Variants in ABAT observed in about 807,000 individuals in gnomAD.
ABAT encodes 4-aminobutyrate aminotransferase.
Under a neutral mutation model 64.6 loss-of-function variants are expected in ABAT, and 45 were observed. The observed-to-expected ratio is 0.70, with a 90% CI of 0.55 to 0.89. ABAT has a LOEUF of 0.89. Ranked by LOEUF, ABAT falls within the 40% of genes least tolerant of loss-of-function variation. The probability of loss-of-function intolerance (pLI) is 0.00; values close to 1 mark genes in which losing one functional copy is unlikely to be tolerated. For missense variants in ABAT, 633 were observed against 658.4 expected (o/e 0.96, Z 0.42); for synonymous variants, 297 against 250.5 (o/e 1.19, Z -1.75).
chr16:8,736,182 C>T (rs1195199814), intron 2 of ABAT: 2 of 269,194 alleles, frequency 7.4e-6, no homozygotes, highest in East Asian at 9.2e-5. Flanking sequence ...ATCATGAGAA[C>T]AGCATGGGAA....
chr16:8,705,903 C>G (rs762363994), intron 1 of ABAT, among the ~76,000 whole-genome samples: 2 of 152,110 alleles, frequency 1.3e-5, no homozygotes, highest in Non-Finnish European at 2.9e-5. Flanking sequence ...GCCTCGGTGC[C>G]CTTGGATTAT....
chr16:8,745,082 A>G (rs1195604151), intron 2 of ABAT, among the ~76,000 whole-genome samples: 1 of 152,010 alleles, frequency 6.6e-6, no homozygotes, highest in African/African-American at 2.4e-5. Flanking sequence ...TCTCAGGCTG[A>G]AGCAATCCTC....
chr16:8,746,014 T>C lies in ABAT; in HGVS notation c.84T>C (p.Ile28=). The change falls in exon 3 of 16, where the codon ATT becomes ATC. Residue 28 remains isoleucine, a synonymous_variant. Coordinates refer to ENST00000268251, the MANE Select transcript of ABAT (RefSeq NM_020686.6). ...YRLLVPGSRH[I]SQAAAKVDVE... ...TGTTTACTGCAGGATCCAGACACAT[T>C]AGTCAAGCTGCAGCCAAAGTCGACG... 1 of 1,613,990 alleles carries C rather than the reference T, an allele frequency of 6.2e-7. No individual in the cohort carries two copies. The highest frequency in any genetic ancestry group is 8.5e-7 in the Non-Finnish European group (1 of 1,179,928).
chr16:8,771,996 C>T (rs984311995), intron 11 of ABAT, among the ~76,000 whole-genome samples: 1 of 152,042 alleles, frequency 6.6e-6, no homozygotes, highest in African/African-American at 2.4e-5. Context: ...AACTCCTGGC[C>T]TCAAGGTATC....
chr16:8,679,741 G>T (rs1021926186), intron 1 of ABAT, among the ~76,000 whole-genome samples: 3 of 151,986 alleles, frequency 2.0e-5, no homozygotes, highest in African/African-American at 7.2e-5. Flanking sequence ...GGGGGCTCCT[G>T]AGGCCCCAAG....
At chr16:8,675,894 G>A (rs1346304141) in intron 1 of ABAT, among the ~76,000 whole-genome samples, 2 of 152,184 alleles carry the variant, frequency 1.3e-5, no homozygotes, top group Non-Finnish European at 2.9e-5. Context: ...CCCCGCAAGC[G>A]CCTGTGGACA....
Position 8,781,488 on chromosome 16 carries a change from A to T in ABAT, c.*58A>T. On this transcript the variant is annotated 3_prime_UTR_variant, in exon 16 of 16. Transcript: ENST00000268251. The surrounding 1 kb of genome is among the most constrained non-coding windows in gnomAD (Gnocchi z 4.5). ...GATCCCAACAGTTGTCAAATTGATT[A>T]GTTTGCCTAATTCATGTTTTCACTT... The T allele has an allele frequency of 6.4e-7, 1 of 1,564,616 alleles. No homozygotes were observed. Among genetic ancestry groups the T allele is most frequent in the Non-Finnish European group, 8.7e-7 (1 of 1,147,500 alleles).
chr16:8,735,632 A>G, intron 1 of ABAT, 67 bp from the exon 2 acceptor site: 2 of 1,295,758 alleles, frequency 1.5e-6, no homozygotes, highest in South Asian at 2.5e-5. Flanking sequence ...AGTGGTGGGG[A>G]TGGGATCTTT....
At chr16:8,692,224 T>C (rs908106752) in intron 1 of ABAT, among the ~76,000 whole-genome samples, 4 of 151,440 alleles carry the variant, frequency 2.6e-5, no homozygotes, top group Non-Finnish European at 5.9e-5. Context: ...CTACAGAAAA[T>C]AAAAAAATTA....
intron 1 of ABAT, chr16:8,714,727 C>G (rs2058164054): frequency 1.3e-5 from 2 of 152,524 alleles, no homozygotes; most frequent in Admixed American, 6.5e-5. Flanking sequence ...AACTTGGCAG[C>G]CGGTTGCTCT....
chr16:8,772,269 TG>T (rs1473084756), intron 11 of ABAT, among the ~76,000 whole-genome samples: 1 of 70,284 alleles, frequency 1.4e-5, no homozygotes, highest in African/African-American at 1.1e-4. Context: ...TGTGTGTGTG[TG>T]TGTGTGTGTG....
Position 8,781,165 on chromosome 16 carries a change from A to C in ABAT, c.1382-144A>C. 274 of 1,236,632 alleles carry C rather than the reference A, an allele frequency of 2.2e-4. No individual in the cohort carries two copies. The highest frequency in any genetic ancestry group is 2.9e-4 in the Non-Finnish European group (249 of 845,438). 76.6% of individuals were successfully genotyped at this position (1,236,632 alleles called of 1,614,324 possible). On this transcript the variant is annotated intron_variant, in intron 15 of 15. Coordinates refer to ENST00000268251, the MANE Select transcript of ABAT (RefSeq NM_020686.6). This position sits in a 1 kb window ranked among gnomAD's most constrained non-coding sequence, Gnocchi z 4.5. ...CTGGATGGGTGGGTGGTAGGAAGGA[A>C]GCCCGGGCTTCCATGATGGAGGATG...
intron 1 of ABAT, among the ~76,000 whole-genome samples, chr16:8,720,391 G>A (rs1374832228): frequency 6.6e-6 from 1 of 152,200 alleles, no homozygotes; most frequent in Non-Finnish European, 1.5e-5. Context: ...TCTTAGGAAT[G>A]GACATTTGCC....
At position 8,781,344 on chromosome 16, in the gene ABAT, C is replaced by T. The variant is rs748530728; in HGVS notation, c.1417C>T (p.Arg473Cys). Residue 473 changes from arginine to cysteine, a missense_variant, in exon 16 of 16, where the codon CGT becomes TGT. Transcript: ENST00000268251. This position sits in a 1 kb window ranked among gnomAD's most constrained non-coding sequence, Gnocchi z 4.5. ...GGGTGGCTGTGGTGACAAATCCATTCGTTTCCGTCCCACGCTGGTCTTCAG... is the reference window on the plus strand; with the variant it reads ...GGGTGGCTGTGGTGACAAATCCATTTGTTTCCGTCCCACGCTGGTCTTCAG... ...VLGGCGDKSI[R>C]FRPTLVFRDH... is the part of the protein sequence containing the mutation. The T allele has an allele frequency of 1.9e-6, 3 of 1,614,038 alleles. No homozygotes were observed. Among genetic ancestry groups the T allele is most frequent in the Non-Finnish European group, 2.5e-6 (3 of 1,180,034 alleles).
At chr16:8,708,268 A>G (rs1282071876) in intron 1 of ABAT, among the ~76,000 whole-genome samples, 1 of 152,126 alleles carries the variant, frequency 6.6e-6, no homozygotes, top group Non-Finnish European at 1.5e-5. Flanking sequence ...AACTCAAGAG[A>G]CAGGATCTTG....
At chr16:8,759,363 T>TAAA (rs201721362) in intron 6 of ABAT, among the ~76,000 whole-genome samples, 3 of 143,820 alleles carry the variant, frequency 2.1e-5, no homozygotes, top group African/African-American at 5.2e-5. Flanking sequence ...TGGAACAGAG[T>TAAA]AAAAAATTTT....
chr16:8,729,468 G>C (rs1383842919), intron 1 of ABAT, among the ~76,000 whole-genome samples: 1 of 152,098 alleles, frequency 6.6e-6, no homozygotes, highest in Non-Finnish European at 1.5e-5. Flanking sequence ...TGAACAGGGA[G>C]ATTACCCTAC....
At chr16:8,734,027 A>G (rs922037368) in intron 1 of ABAT, among the ~76,000 whole-genome samples, 4 of 151,984 alleles carry the variant, frequency 2.6e-5, no homozygotes, top group Non-Finnish European at 4.4e-5. Context: ...ATTTTTTCCC[A>G]TTCATCTGTC....
At chr16:8,681,676 C>G (rs1429860109) in intron 1 of ABAT, among the ~76,000 whole-genome samples, 3 of 143,158 alleles carry the variant, frequency 2.1e-5, no homozygotes, top group Non-Finnish European at 3.0e-5. Flanking sequence ...GAGTCTTGCT[C>G]TGTTGCCCAG....
Sources: gnomAD v4.1 joint callset for allele counts (sites outside exome capture counted in the v4.1 genomes callset) on GRCh38, gnomAD v4.1.1 for gene constraint, Gnocchi (gnomAD v3.1) non-coding constraint, MANE v1.5 for transcripts, NCBI Gene and HGNC (gene_info 2026-07-23, HGNC 2026-07-21) for gene names.